Variants in PPP2R5B observed in about 807,000 individuals in gnomAD.
PPP2R5B encodes protein phosphatase 2 regulatory subunit B'beta, also known as serine/threonine-protein phosphatase 2A 56 kDa regulatory subunit beta isoform.
A neutral mutation model predicts 59.9 loss-of-function variants in PPP2R5B; 19 were observed. The observed-to-expected ratio is 0.32, with a 90% CI of 0.22 to 0.47. The LOEUF (loss-of-function observed/expected upper bound fraction) is 0.47. PPP2R5B is among the 20% of genes least tolerant of loss of function. The pLI, the probability that PPP2R5B is intolerant of heterozygous loss-of-function variation, is 1.00. For missense variants in PPP2R5B, 441 were observed against 640.2 expected, an observed-to-expected ratio of 0.69 and a Z score of 3.36; for synonymous variants, 286 against 260.5, an observed-to-expected ratio of 1.10 and a Z score of -0.94.
intron 11 of PPP2R5B, among the ~76,000 whole-genome samples, chr11:64,932,520 C>G (rs1945237363): frequency 6.6e-6 from 1 of 152,206 alleles, no homozygotes; most frequent in Non-Finnish European, 1.5e-5. Flanking sequence ...GGTTAAATGC[C>G]TCTCCCAAGG....
At chr11:64,917,827 A>T (rs1375966776) in intron 1 of PPP2R5B, among the ~76,000 whole-genome samples, 2 of 152,260 alleles carry the variant, frequency 1.3e-5, no homozygotes, top group East Asian at 1.9e-4. Context: ...ATCACCAAGG[A>T]AGGTCTTTTT....
At position 64,931,735 on chromosome 11, in the gene PPP2R5B, C is replaced by A. The variant is rs779670085; in HGVS notation, c.997-14C>A. 1.2e-6 allele frequency: 2 copies of A among 1,614,096 alleles called. No individual in the cohort carries two copies. The highest frequency in any genetic ancestry group is 2.2e-5 in the South Asian group (2 of 91,078). On this transcript the variant is annotated splice_polypyrimidine_tract_variant and intron_variant, in intron 10 of 13. Coordinates refer to ENST00000164133, the MANE Select transcript of PPP2R5B (RefSeq NM_006244.4). The surrounding 1 kb of genome is among the most constrained non-coding windows in gnomAD (Gnocchi z 5.0). ...CTGCCCCTCTGTCCCTACTCCCCTC[C>A]CCAACCCACCCAGGTGATGTTTCTG...
intron 1 of PPP2R5B, among the ~76,000 whole-genome samples, chr11:64,919,181 A>T (rs928856778): frequency 2.0e-5 from 3 of 152,126 alleles, no homozygotes; most frequent in African/African-American, 7.2e-5. Context: ...TCTACTAAAA[A>T]ATATTTAAAA....
upstream of PPP2R5B, chr11:64,924,674 G>T (rs946014842): frequency 1.1e-4 from 16 of 152,242 alleles, no homozygotes; most frequent in African/African-American, 2.9e-4. Context: ...CGGGCCGGGT[G>T]GGGGGAGGTG....
chr11:64,931,796 C>T lies in PPP2R5B; in HGVS notation c.1044C>T (p.Pro348=). The part of the protein sequence containing the change: ...EMEEILDVIE[P]SQFVKIQEPL... ...AAGAGATTCTTGATGTCATCGAGCC[C>T]TCCCAGTTTGTGAAGATCCAGGAGC... The change falls in exon 11 of 14, where the codon CCC becomes CCT. Residue 348 remains proline, a synonymous_variant. Transcript: ENST00000164133. The surrounding 1 kb of genome is among the most constrained non-coding windows in gnomAD (Gnocchi z 5.0). The T allele has an allele frequency of 6.2e-7, 1 of 1,614,190 alleles. No individual in the cohort carries two copies. The highest frequency in any genetic ancestry group is 8.5e-7 in the Non-Finnish European group (1 of 1,180,030).
At chr11:64,919,152 A>C (rs977645314) in intron 1 of PPP2R5B, among the ~76,000 whole-genome samples, 1 of 151,908 alleles carries the variant, frequency 6.6e-6, no homozygotes, top group Non-Finnish European at 1.5e-5. Flanking sequence ...CACCCTGGCT[A>C]ACACAGTGAA....
At chr11:64,927,730 CTT>C in intron 3 of PPP2R5B, 70 bp from the exon 4 acceptor site, 1 of 1,090,574 alleles carries the variant, frequency 9.2e-7, no homozygotes, top group South Asian at 1.4e-5. Flanking sequence ...AAAAAAAAAG[CTT>C]TGAATGAGAG....
At chr11:64,932,522 C>T (rs1196807458) in intron 11 of PPP2R5B, among the ~76,000 whole-genome samples, 1 of 152,208 alleles carries the variant, frequency 6.6e-6, no homozygotes, top group Non-Finnish European at 1.5e-5. Context: ...TTAAATGCCT[C>T]TCCCAAGGTC....
chr11:64,925,945 G>A lies in PPP2R5B; in HGVS notation c.199+12G>A. The stretch of plus-strand genomic sequence containing the variant: ...GCCCCTGCTCAAAGGTGAGCTGGCT[G>A]CTGGCCACTGGGGGAACCGAACCCC... On this transcript the variant is annotated intron_variant, in intron 2 of 13. Coordinates refer to ENST00000164133, the MANE Select transcript of PPP2R5B (RefSeq NM_006244.4). The surrounding 1 kb of genome is among the most constrained non-coding windows in gnomAD (Gnocchi z 4.6). 1 of 1,608,302 alleles carries A rather than the reference G, an allele frequency of 6.2e-7. No individual in the cohort carries two copies. Among genetic ancestry groups the A allele is most frequent in the South Asian group, 1.1e-5 (1 of 90,414 alleles).
chr11:64,921,048 G>A (rs917062215), upstream of PPP2R5B, among the ~76,000 whole-genome samples: 11 of 150,952 alleles, frequency 7.3e-5, no homozygotes, highest in East Asian at 5.8e-4. Context: ...TCTGCCTCCC[G>A]GGCTCAAGCA....
At chr11:64,923,294 G>A (rs1371262378), upstream of PPP2R5B, among the ~76,000 whole-genome samples, 4 of 152,218 alleles carry the variant, frequency 2.6e-5, no homozygotes, top group Admixed American at 2.0e-4. Flanking sequence ...TGGGCAAGGC[G>A]CTTCTCCTCT....
intron 2 of PPP2R5B, 105 bp from the exon 3 acceptor site, chr11:64,926,606 TG>T: frequency 2.4e-6 from 3 of 1,241,332 alleles, no homozygotes; most frequent in Non-Finnish European, 2.3e-6. Flanking sequence ...GCATGGGGCC[TG>T]GGGGCAGCAG....
At chr11:64,932,671 G>A (rs1590681059) in intron 11 of PPP2R5B, 94 bp from the exon 12 acceptor site, 1 of 1,499,900 alleles carries the variant, frequency 6.7e-7, no homozygotes, top group Non-Finnish European at 9.1e-7. Context: ...TGAAGGTCAG[G>A]GGGCCTGGGC....
In PPP2R5B at chr11:64,932,900, C is replaced by A. The variant is rs1264541871; in HGVS notation, c.1244+8C>A. ...CAAGGAGCACTGGAACCAGTGAGTGCCAGGCCATGACCTAACTCACAGAAA... is the reference window on the plus strand; with the variant it reads ...CAAGGAGCACTGGAACCAGTGAGTGACAGGCCATGACCTAACTCACAGAAA... On this transcript the variant is annotated splice_region_variant and intron_variant, in intron 12 of 13. Coordinates refer to ENST00000164133, the MANE Select transcript of PPP2R5B (RefSeq NM_006244.4). 2.5e-6 allele frequency: 4 copies of A among 1,613,526 alleles called. No individual in the cohort carries two copies. The East Asian group carries it at 8.9e-5, about 36-fold the overall frequency.
At position 64,930,287 on chromosome 11, in the gene PPP2R5B, C is replaced by T. The variant is rs780349234; in HGVS notation, c.723-35C>T. ...CTAAGGGGGCACTGGGCCTACCCTG[C>T]TTGCTTTGAGCCCACCTGCGTTCTT... is the stretch of plus-strand genomic sequence containing the variant. On this transcript the variant is annotated intron_variant, in intron 6 of 13. Coordinates refer to ENST00000164133, the MANE Select transcript of PPP2R5B (RefSeq NM_006244.4). 5 of 1,612,394 alleles carry T rather than the reference C, an allele frequency of 3.1e-6. No homozygotes were observed. The East Asian group carries it at 1.1e-4, about 36-fold the overall frequency.
At chr11:64,921,858 CTTTTT>C (rs577109847), upstream of PPP2R5B, among the ~76,000 whole-genome samples, 1 of 152,082 alleles carries the variant, frequency 6.6e-6, no homozygotes. Context: ...AAATTGGTGA[CTTTTT>C]TTTGTTTTGA....
intron 11 of PPP2R5B, among the ~76,000 whole-genome samples, chr11:64,932,387 A>G (rs1945235955): frequency 6.6e-6 from 1 of 152,206 alleles, no homozygotes; most frequent in South Asian, 2.1e-4. Flanking sequence ...TCTTCCTCAC[A>G]GTGATTCTGG....
At position 64,927,887 on chromosome 11, in the gene PPP2R5B, C is replaced by G; in HGVS notation, c.482C>G (p.Ser161Trp). 1 of 1,607,822 alleles carries G rather than the reference C, an allele frequency of 6.2e-7. No individual in the cohort carries two copies. Among genetic ancestry groups the G allele is most frequent in the Non-Finnish European group, 8.5e-7 (1 of 1,174,386 alleles). Residue 161 changes from serine (S) to tryptophan (W), a missense_variant, in exon 4 of 14, where the codon TCG (serine) becomes TGG (tryptophan). Ser to Trp is a radical substitution (Grantham distance 177). Coordinates refer to ENST00000164133, the MANE Select transcript of PPP2R5B (RefSeq NM_006244.4). Reference sequence around the variant, plus strand: ...GAGGATGAGCCCAATCTTGAGCCTTCGTGGCCACACCTGCAGGTCTGAAGG... The same window carrying G: ...GAGGATGAGCCCAATCTTGAGCCTTGGTGGCCACACCTGCAGGTCTGAAGG... ...PEEDEPNLEPSWPHLQLVYEF... is the reference protein window; with the variant it reads ...PEEDEPNLEPWWPHLQLVYEF...
chr11:64,928,982 G>C (rs1152645), intron 6 of PPP2R5B, among the ~76,000 whole-genome samples: 67,794 of 151,496 alleles, frequency 0.45, 17,401 homozygotes, highest in Non-Finnish European at 0.59. Context: ...AAAAAGAAAA[G>C]AAAACAAAAA....
Sources: gnomAD v4.1 joint callset for allele counts (sites outside exome capture counted in the v4.1 genomes callset) on GRCh38, gnomAD v4.1.1 for gene constraint, Gnocchi (gnomAD v3.1) non-coding constraint, MANE v1.5 for transcripts, NCBI Gene and HGNC (gene_info 2026-07-23, HGNC 2026-07-21) for gene names.